The following HNF4G variants were observed in gnomAD, a reference collection of about 807,000 sequenced individuals.
The protein encoded by HNF4G is hepatocyte nuclear factor 4-gamma.
In HNF4G, 21 loss-of-function variants were observed where a neutral mutation model predicts 50.9. The observed-to-expected ratio is 0.41, with a 90% confidence interval of 0.29 to 0.59. The LOEUF (loss-of-function observed/expected upper bound fraction) is 0.59. HNF4G is among the 20% of genes least tolerant of loss of function. The probability of loss-of-function intolerance (pLI) is 0.26; values close to 1 mark genes in which losing one functional copy is unlikely to be tolerated. For missense variants in HNF4G, 527 were observed against 559.4 expected (o/e 0.94, Z 0.58); for synonymous variants, 198 against 185.6 (o/e 1.07, Z -0.54).
chr8:75,441,796 C>G lies in HNF4G; in HGVS notation c.-144+33634C>G, dbSNP rs111916195. ...TCACAAACTTGTAGCAAACAATCAGCGAACTGGCTTGGGTCCACAGACCAC... is the reference window on the plus strand; with the variant it reads ...TCACAAACTTGTAGCAAACAATCAGGGAACTGGCTTGGGTCCACAGACCAC... On this transcript the variant is annotated intron_variant, in intron 1 of 10. Transcript: ENST00000354370. Among the ~76,000 whole-genome samples the G allele has an allele frequency of 2.2e-4, 34 of 152,268 alleles. No individual in the cohort carries two copies. In the East Asian group the frequency reaches 5.2e-3, roughly 23 times the overall value.
chr8:75,454,100 T>G (rs1165971492), intron 1 of HNF4G, among the ~76,000 whole-genome samples: 1 of 133,086 alleles, frequency 7.5e-6, no homozygotes, highest in Non-Finnish European at 1.6e-5. Context: ...CCTCTCTTCC[T>G]TTCTCCCTCT....
intron 1 of HNF4G, among the ~76,000 whole-genome samples, chr8:75,484,737 C>T (rs1262116925): frequency 6.6e-6 from 1 of 152,152 alleles, no homozygotes; most frequent in Non-Finnish European, 1.5e-5. Context: ...CAATGCCTGC[C>T]CCAGTGACTG....
Position 75,460,722 on chromosome 8 carries a change from C to A in HNF4G, c.-143-29367C>A, listed in dbSNP as rs551160223. ...AATTTATAGACAGTCAAGGATATTGCCTCTTCCCCAAAGAGGCTAGATATT... is the reference window on the plus strand; with the variant it reads ...AATTTATAGACAGTCAAGGATATTGACTCTTCCCCAAAGAGGCTAGATATT... On this transcript the variant is annotated intron_variant, in intron 1 of 10. Coordinates refer to the HNF4G transcript ENST00000354370. 1.1e-4 allele frequency among the ~76,000 whole-genome samples: 17 copies of A among 152,234 alleles called. No homozygotes were observed. In the South Asian group the frequency reaches 3.5e-3, roughly 32 times the overall value.
At chr8:75,458,322 A>T (rs1563514637) in intron 1 of HNF4G, among the ~76,000 whole-genome samples, 1 of 151,846 alleles carries the variant, frequency 6.6e-6, no homozygotes, top group South Asian at 2.1e-4. Flanking sequence ...GAAAGGAAAA[A>T]AATCAGCAGA....
intron 2 of HNF4G, among the ~76,000 whole-genome samples, chr8:75,508,985 A>G (rs1805680136): frequency 6.6e-6 from 1 of 152,226 alleles, no homozygotes; most frequent in South Asian, 2.1e-4. Context: ...GGAAGTGACT[A>G]TAGGCCTGAG....
intron 1 of HNF4G, among the ~76,000 whole-genome samples, chr8:75,458,369 C>CT (rs61411885): frequency 0.11 from 12,687 of 117,026 alleles, 712 homozygotes; most frequent in African/African-American, 0.16. Flanking sequence ...AATGGTCTAA[C>CT]TTTTTTTTTT....
chr8:75,456,002 G>A (rs899469874), intron 1 of HNF4G, among the ~76,000 whole-genome samples: 10 of 151,936 alleles, frequency 6.6e-5, no homozygotes, highest in African/African-American at 1.4e-4. Flanking sequence ...CAAGTTATAC[G>A]AGCTTTGCCA....
chr8:75,433,740 C>T (rs1042576315), intron 1 of HNF4G, among the ~76,000 whole-genome samples: 1 of 151,674 alleles, frequency 6.6e-6, no homozygotes. Context: ...AGTATAATGT[C>T]GAAATAAACT....
At chr8:75,483,193 TA>T (rs905881175) in intron 1 of HNF4G, among the ~76,000 whole-genome samples, 1 of 152,204 alleles carries the variant, frequency 6.6e-6, no homozygotes, top group African/African-American at 2.4e-5. Context: ...ATTATATTTC[TA>T]AAAATGATGA....
chr8:75,497,201 G>A (rs552099476), intron 2 of HNF4G, among the ~76,000 whole-genome samples: 3 of 152,156 alleles, frequency 2.0e-5, no homozygotes, highest in African/African-American at 7.2e-5. Flanking sequence ...GTTTGTGTTC[G>A]TGTTTGTGTT....
At chr8:75,544,079 A>T (rs887347776) in intron 2 of HNF4G, 100 bp downstream of exon 2, 1 of 1,034,548 alleles carries the variant, frequency 9.7e-7, no homozygotes, top group Non-Finnish European at 1.4e-6. Context: ...TATATCTGTA[A>T]GTCTATAAAT....
chr8:75,526,753 C>G (rs1263994722), intron 2 of HNF4G, among the ~76,000 whole-genome samples: 1 of 143,826 alleles, frequency 7.0e-6, no homozygotes, highest in African/African-American at 2.6e-5. Context: ...TTCAGTTGCC[C>G]AGGTTAACAA....
intron 1 of HNF4G, among the ~76,000 whole-genome samples, chr8:75,409,078 C>T (rs1810431570): frequency 6.6e-6 from 1 of 152,194 alleles, no homozygotes; most frequent in Non-Finnish European, 1.5e-5. Flanking sequence ...TACTCTCACT[C>T]AAGCCACCTG....
At chr8:75,429,831 CTGAA>C (rs1333561648) in intron 1 of HNF4G, among the ~76,000 whole-genome samples, 3 of 152,120 alleles carry the variant, frequency 2.0e-5, no homozygotes, top group Non-Finnish European at 4.4e-5. Flanking sequence ...GTATGGTAGA[CTGAA>C]TGTCTAGAGA....
intron 8 of HNF4G, among the ~76,000 whole-genome samples, chr8:75,559,980 A>G (rs534978446): frequency 6.6e-6 from 1 of 152,256 alleles, no homozygotes. Context: ...GTTCCTAATG[A>G]TATCTTTCTG....
At chr8:75,499,864 C>CT (rs1163559877) in intron 2 of HNF4G, among the ~76,000 whole-genome samples, 1 of 151,928 alleles carries the variant, frequency 6.6e-6, no homozygotes, top group Non-Finnish European at 1.5e-5. Context: ...TGAATGCCTA[C>CT]GTGACATAAC....
Position 75,505,935 on chromosome 8 carries a change from T to A in HNF4G, c.-24+15727T>A, listed in dbSNP as rs1046778162. On this transcript the variant is annotated intron_variant, in intron 2 of 10. Coordinates refer to the HNF4G transcript ENST00000354370. ...AACAGTGCATTTTAATTATTTTTTT[T>A]AAATTAGAAATGACATCTCTAGAGT... 7.9e-5 allele frequency among the ~76,000 whole-genome samples: 12 copies of A among 152,086 alleles called. No homozygotes were observed. The East Asian group carries it at 9.6e-4, about 12-fold the overall frequency.
intron 1 of HNF4G, among the ~76,000 whole-genome samples, chr8:75,416,370 T>C (rs1236302017): frequency 6.6e-6 from 1 of 152,020 alleles, no homozygotes; most frequent in Non-Finnish European, 1.5e-5. Flanking sequence ...GGACATTTTC[T>C]TTTTTTTCTT....
intron 1 of HNF4G, among the ~76,000 whole-genome samples, chr8:75,463,317 C>T (rs1373080057): frequency 6.6e-6 from 1 of 152,054 alleles, no homozygotes; most frequent in Admixed American, 6.6e-5. Flanking sequence ...AAAGTATCAC[C>T]TCTGCCTCGT....
Sources: gnomAD v4.1 joint callset for allele counts (sites outside exome capture counted in the v4.1 genomes callset) on GRCh38, gnomAD v4.1.1 for gene constraint, MANE v1.5 for transcripts, NCBI Gene and HGNC (gene_info 2026-07-23, HGNC 2026-07-21) for gene names.